Variants in GRIP1 observed in about 807,000 individuals in gnomAD.
GRIP1 encodes the protein glutamate receptor-interacting protein 1.
A neutral mutation model predicts 129.9 loss-of-function variants in GRIP1; 45 were observed. The observed-to-expected ratio is 0.35, with a 90% CI of 0.27 to 0.44. GRIP1 has a LOEUF of 0.44. GRIP1 is among the 20% of genes least tolerant of loss of function. The probability of loss-of-function intolerance (pLI) is 1.00; values close to 1 mark genes in which losing one functional copy is unlikely to be tolerated. For missense variants in GRIP1, 1,196 were observed against 1,396.8 expected (o/e 0.86, Z 2.29); for synonymous variants, 530 against 520.8 (o/e 1.02, Z -0.24).
intron 1 of GRIP1, among the ~76,000 whole-genome samples, chr12:66,979,061 T>C (rs2042196902): frequency 6.6e-6 from 1 of 151,908 alleles, no homozygotes; most frequent in African/African-American, 2.4e-5. Flanking sequence ...CCAGGATATA[T>C]GATTTACTAA....
intron 1 of GRIP1, among the ~76,000 whole-genome samples, chr12:67,006,540 T>C (rs1256863305): frequency 1.3e-5 from 2 of 152,178 alleles, no homozygotes; most frequent in South Asian, 2.1e-4. Flanking sequence ...TGAGCTGTGA[T>C]CATGCCACTG....
chr12:66,837,756 T>G (rs951219671), intron 1 of GRIP1, among the ~76,000 whole-genome samples: 5 of 152,188 alleles, frequency 3.3e-5, no homozygotes, highest in Admixed American at 2.6e-4. Flanking sequence ...CCAGGCATAG[T>G]TGAATGAGGA....
chr12:66,641,093 C>T (rs1186102543), intron 1 of GRIP1, among the ~76,000 whole-genome samples: 1 of 152,190 alleles, frequency 6.6e-6, no homozygotes, highest in African/African-American at 2.4e-5. Context: ...TTTAGACAAA[C>T]ATGGCTTTAT....
intron 1 of GRIP1, among the ~76,000 whole-genome samples, chr12:66,645,667 T>C (rs1301844024): frequency 6.6e-6 from 1 of 152,210 alleles, no homozygotes; most frequent in East Asian, 1.9e-4. Context: ...TGTAAAATTA[T>C]ATAAGAATCT....
intron 1 of GRIP1, among the ~76,000 whole-genome samples, chr12:66,636,953 C>T (rs918103269): frequency 1.3e-5 from 2 of 152,160 alleles, no homozygotes; most frequent in African/African-American, 2.4e-5. Flanking sequence ...ACAGCCTGAG[C>T]AAACTAAGTA....
upstream of GRIP1, among the ~76,000 whole-genome samples, chr12:66,683,227 C>T (rs2034653554): frequency 6.6e-6 from 1 of 152,082 alleles, no homozygotes; most frequent in South Asian, 2.1e-4. Flanking sequence ...GCCATTTTTA[C>T]TTCCCTTTTC....
intron 7 of GRIP1, among the ~76,000 whole-genome samples, chr12:66,491,358 A>G (rs1226632162): frequency 1.3e-5 from 2 of 152,244 alleles, no homozygotes; most frequent in African/African-American, 4.8e-5. Context: ...ACAACAACAC[A>G]GGAACAGAAT....
At chr12:66,873,353 C>T (rs140259871) in intron 1 of GRIP1, among the ~76,000 whole-genome samples, 169 of 152,164 alleles carry the variant, frequency 1.1e-3, no homozygotes, top group Middle Eastern at 6.8e-3. Flanking sequence ...AGATACTGTT[C>T]CATCCATCTT....
At chr12:66,382,727 A>G (rs975529138) in intron 19 of GRIP1, among the ~76,000 whole-genome samples, 5 of 152,212 alleles carry the variant, frequency 3.3e-5, no homozygotes, top group Non-Finnish European at 5.9e-5. Context: ...GATACTATAT[A>G]TCAGGAACTA....
intron 1 of GRIP1, among the ~76,000 whole-genome samples, chr12:66,818,437 A>AT (rs2039262518): frequency 6.6e-6 from 1 of 152,298 alleles, no homozygotes; most frequent in East Asian, 1.9e-4. Context: ...CATCTTGTTC[A>AT]TTTTTGAGAA....
chr12:66,865,701 C>CT (rs1259456288), intron 1 of GRIP1, among the ~76,000 whole-genome samples: 10 of 152,018 alleles, frequency 6.6e-5, no homozygotes, highest in Non-Finnish European at 8.8e-5. Flanking sequence ...TTTTCTATCT[C>CT]TATCTTCTTG....
intron 1 of GRIP1, among the ~76,000 whole-genome samples, chr12:67,022,171 A>G (rs1168738012): frequency 6.6e-6 from 1 of 152,144 alleles, no homozygotes; most frequent in Non-Finnish European, 1.5e-5. Context: ...TCTGTTCCAT[A>G]TACTGATTTC....
intron 1 of GRIP1, among the ~76,000 whole-genome samples, chr12:67,034,740 T>A (rs1012317868): frequency 1.3e-5 from 2 of 152,188 alleles, no homozygotes; most frequent in Admixed American, 1.3e-4. Flanking sequence ...AGTAACCCAC[T>A]GTGCTATGAT....
intron 1 of GRIP1, among the ~76,000 whole-genome samples, chr12:66,731,472 A>T (rs1211472489): frequency 2.0e-5 from 3 of 152,326 alleles, no homozygotes; most frequent in Middle Eastern, 3.4e-3. Flanking sequence ...GTTAAGTAAG[A>T]TGTTATCCAG....
intron 1 of GRIP1, among the ~76,000 whole-genome samples, chr12:66,851,329 G>A (rs182239296): frequency 6.6e-6 from 1 of 152,120 alleles, no homozygotes; most frequent in African/African-American, 2.4e-5. Context: ...TGGTAAGTAC[G>A]TTGCTCTACT....
chr12:67,032,985 A>T (rs564170416), intron 1 of GRIP1, among the ~76,000 whole-genome samples: 1 of 152,058 alleles, frequency 6.6e-6, no homozygotes, highest in Non-Finnish European at 1.5e-5. Context: ...TTGAAATTCA[A>T]TGTGCATTTT....
chr12:66,501,287 G>A (rs1359827037), intron 7 of GRIP1, among the ~76,000 whole-genome samples: 2 of 152,152 alleles, frequency 1.3e-5, no homozygotes, highest in African/African-American at 4.8e-5. Flanking sequence ...TACATACCAA[G>A]TACTGAAGTT....
chr12:66,455,450 A>C lies in GRIP1; in HGVS notation c.1313T>G (p.Met438Arg), dbSNP rs1232230394. The C allele has an allele frequency of 1.9e-6, 3 of 1,613,972 alleles. No homozygotes were observed. The Admixed American group carries it at 5.0e-5, about 27-fold the overall frequency. The change falls in exon 11 of 25, where the codon ATG (methionine) becomes AGG (arginine). Residue 438 changes from methionine (M) to arginine (R), a missense_variant. Physicochemically the swap from Met to Arg is moderately conservative, Grantham distance 91. Transcript: ENST00000359742. The part of the protein sequence containing the change: ...SLYSTSPRGT[M>R]MRRRLKKKDF... ...TTTCTTTTTCAGTCTCCTCCTCATC[A>C]TGGTTCCACGTGGGCTGGTGGAGTA...
chr12:66,933,252 C>A (rs923568287), intron 1 of GRIP1, among the ~76,000 whole-genome samples: 3 of 152,162 alleles, frequency 2.0e-5, no homozygotes, highest in Non-Finnish European at 4.4e-5. Flanking sequence ...TAAGTATGTA[C>A]CTCTTCCCAG....
Sources: gnomAD v4.1 joint callset for allele counts (sites outside exome capture counted in the v4.1 genomes callset) on GRCh38, gnomAD v4.1.1 for gene constraint, MANE v1.5 for transcripts, NCBI Gene and HGNC (gene_info 2026-07-23, HGNC 2026-07-21) for gene names.